IQGAP2: variants seen among roughly 807,000 people sequenced by gnomAD.
The protein encoded by IQGAP2 is ras GTPase-activating-like protein IQGAP2.
IQGAP2 carries 173 observed loss-of-function variants against 201.3 expected under a neutral mutation model. The ratio of observed to expected loss-of-function variants is 0.86; its 90% CI spans 0.76 to 0.98. IQGAP2 has a LOEUF of 0.98. Among genes scored for constraint, IQGAP2 ranks in the 50% least tolerant of loss-of-function variants. The probability of loss-of-function intolerance (pLI) is 0.00; values close to 1 mark genes in which losing one functional copy is unlikely to be tolerated. For synonymous variants in IQGAP2, 675 were observed against 673.9 expected (o/e 1.00, Z -0.03); for missense variants, 1,687 against 1,864.8 (o/e 0.90, Z 1.76).
At chr5:76,560,813 C>A (rs760318980) in intron 2 of IQGAP2, among the ~76,000 whole-genome samples, 16 of 152,186 alleles carry the variant, frequency 1.1e-4, no homozygotes, top group Non-Finnish European at 2.4e-4. Flanking sequence ...CCCCTCCCAT[C>A]CGTTGGAAAT....
chr5:76,613,184 G>C (rs1385772570), intron 13 of IQGAP2, among the ~76,000 whole-genome samples: 1 of 152,228 alleles, frequency 6.6e-6, no homozygotes, highest in African/African-American at 2.4e-5. Context: ...GCGAATGCCT[G>C]GCCAAGGTAC....
At chr5:76,532,008 C>T (rs1759323676) in intron 2 of IQGAP2, among the ~76,000 whole-genome samples, 1 of 152,214 alleles carries the variant, frequency 6.6e-6, no homozygotes, top group East Asian at 1.9e-4. Context: ...TAGTGCCATT[C>T]ATGAGGGCTC....
chr5:76,413,457 C>G (rs978929768), intron 1 of IQGAP2, among the ~76,000 whole-genome samples: 62 of 152,178 alleles, frequency 4.1e-4, no homozygotes, highest in Admixed American at 4.1e-3. Flanking sequence ...GCGTGGGCCA[C>G]CACGCCCAAC....
rs764682659 is a variant in IQGAP2, at chr5:76,695,627, C to T, written c.4167C>T (p.Ser1389=). 68 of 1,613,882 alleles carry T rather than the reference C, an allele frequency of 4.2e-5. No homozygotes were observed. Among genetic ancestry groups the T allele is most frequent in the Non-Finnish European group, 5.4e-5 (64 of 1,179,968 alleles). ...TGGAACAGACTGGACACGTGTCATC[C>T]GAAAATAAATACCAAGACATTCTCA... The part of the protein sequence containing the change: ...RTLEQTGHVS[S]ENKYQDILNE... Residue 1389 remains serine, a synonymous_variant, in exon 32 of 36, where the codon TCC becomes TCT. Coordinates refer to ENST00000274364, the MANE Select transcript of IQGAP2 (RefSeq NM_006633.5).
intron 8 of IQGAP2, among the ~76,000 whole-genome samples, chr5:76,591,758 T>A (rs1022197683): frequency 6.6e-6 from 1 of 152,160 alleles, no homozygotes; most frequent in Non-Finnish European, 1.5e-5. Flanking sequence ...CTCATCCACT[T>A]GTTGAAGAAA....
intron 27 of IQGAP2, 104 bp from the exon 28 acceptor site, chr5:76,677,114 G>A: frequency 8.8e-7 from 1 of 1,131,070 alleles, no homozygotes; most frequent in Non-Finnish European, 1.2e-6. Context: ...GGTTTGAGAT[G>A]GGAACAAAGT....
intron 16 of IQGAP2, among the ~76,000 whole-genome samples, chr5:76,639,978 A>T (rs1041697639): frequency 2.6e-5 from 4 of 152,240 alleles, no homozygotes; most frequent in African/African-American, 9.6e-5. Flanking sequence ...AAGATTTAAA[A>T]TTTAGAATAA....
intron 35 of IQGAP2, among the ~76,000 whole-genome samples, chr5:76,705,522 A>G (rs1006000404): frequency 1.3e-5 from 2 of 152,198 alleles, no homozygotes; most frequent in African/African-American, 4.8e-5. Flanking sequence ...TTCCTTTTCA[A>G]TCTAACTCTA....
At chr5:76,595,093 A>G (rs748504765) in intron 9 of IQGAP2, among the ~76,000 whole-genome samples, 2 of 152,108 alleles carry the variant, frequency 1.3e-5, no homozygotes, top group African/African-American at 2.4e-5. Flanking sequence ...CATCAGTGAC[A>G]ATGTTGGTGG....
intron 2 of IQGAP2, among the ~76,000 whole-genome samples, chr5:76,533,981 G>T (rs1759479850): frequency 6.6e-6 from 1 of 152,126 alleles, no homozygotes. Context: ...TACATCAAAG[G>T]CACGATGAAT....
chr5:76,593,756 C>T (rs1294947464), intron 9 of IQGAP2, among the ~76,000 whole-genome samples: 1 of 152,140 alleles, frequency 6.6e-6, no homozygotes, highest in Non-Finnish European at 1.5e-5. Context: ...GAACTCCCTG[C>T]GAAATTAAAA....
intron 2 of IQGAP2, among the ~76,000 whole-genome samples, chr5:76,484,846 T>C (rs1756016780): frequency 6.6e-6 from 1 of 151,252 alleles, no homozygotes; most frequent in South Asian, 2.1e-4. Flanking sequence ...TTATTGTTGT[T>C]GTTGAGACGG....
chr5:76,474,109 C>G (rs1396982248), intron 2 of IQGAP2, among the ~76,000 whole-genome samples: 4 of 152,124 alleles, frequency 2.6e-5, no homozygotes, highest in Non-Finnish European at 4.4e-5. Context: ...AGTCAAATCC[C>G]CATTTCATAT....
intron 2 of IQGAP2, among the ~76,000 whole-genome samples, chr5:76,488,532 A>G (rs572973627): frequency 6.6e-6 from 1 of 152,352 alleles, no homozygotes; most frequent in Admixed American, 6.5e-5. Context: ...TCAACTTTCT[A>G]GAATAAAATT....
intron 2 of IQGAP2, among the ~76,000 whole-genome samples, chr5:76,542,467 G>A (rs1032346446): frequency 1.3e-5 from 2 of 152,210 alleles, no homozygotes; most frequent in Non-Finnish European, 2.9e-5. Context: ...GCAGGTATCT[G>A]TTTCCAAGCC....
intron 1 of IQGAP2, among the ~76,000 whole-genome samples, chr5:76,407,388 G>A (rs1050111180): frequency 6.6e-6 from 1 of 152,166 alleles, no homozygotes; most frequent in Non-Finnish European, 1.5e-5. Context: ...ATCCATCTAC[G>A]ATGACCAATC....
At chr5:76,562,606 T>C (rs1580463674) in intron 3 of IQGAP2, 54 bp downstream of exon 3, 1 of 1,474,986 alleles carries the variant, frequency 6.8e-7, no homozygotes, top group East Asian at 2.3e-5. Flanking sequence ...AGTTTGGTAT[T>C]TCATATCCTC....
chr5:76,505,193 C>T (rs879771856), intron 2 of IQGAP2, among the ~76,000 whole-genome samples: 8 of 152,188 alleles, frequency 5.3e-5, no homozygotes, highest in African/African-American at 2.4e-5. Context: ...GCAGACCCCT[C>T]ACCAGGTGAG....
chr5:76,403,513 C>T lies in IQGAP2; in HGVS notation c.-33C>T. On this transcript the variant is annotated 5_prime_UTR_variant, in exon 1 of 36. Transcript: ENST00000274364. This position sits in a 1 kb window ranked among gnomAD's most constrained non-coding sequence, Gnocchi z 4.8. ...GGCCAGCGAGGGTAGCCGCGGGGGG[C>T]GCGCCCCGGGCGGGCCCCCGGAGAC... is the stretch of plus-strand genomic sequence containing the variant. 1 of 1,449,096 alleles carries T rather than the reference C, an allele frequency of 6.9e-7. No homozygotes were observed. Among genetic ancestry groups the T allele is most frequent in the Non-Finnish European group, 9.0e-7 (1 of 1,107,180 alleles). The allele number at this position is 1,449,096 out of a possible 1,614,324, so 89.8% of individuals were successfully genotyped here. A position where few individuals can be genotyped will look rare whatever the true frequency, so the allele number is the denominator to read the frequency against.
Sources: gnomAD v4.1 joint callset for allele counts (sites outside exome capture counted in the v4.1 genomes callset) on GRCh38, gnomAD v4.1.1 for gene constraint, Gnocchi (gnomAD v3.1) non-coding constraint, MANE v1.5 for transcripts, NCBI Gene and HGNC (gene_info 2026-07-23, HGNC 2026-07-21) for gene names.